The following CARMIL1 variants were observed in gnomAD, a reference collection of about 807,000 sequenced individuals.
CARMIL1 encodes F-actin-uncapping protein LRRC16A.
A neutral mutation model predicts 177.1 loss-of-function variants in CARMIL1; 90 were observed. That is an observed-to-expected ratio of 0.51 (90% confidence interval 0.43 to 0.61). The LOEUF (loss-of-function observed/expected upper bound fraction) is 0.61, where lower values mean the gene tolerates loss of function less well. Ranked by LOEUF, CARMIL1 falls within the 20% of genes least tolerant of loss-of-function variation. The pLI, the probability that CARMIL1 is intolerant of heterozygous loss-of-function variation, is 0.00. For missense variants in CARMIL1, 1,380 were observed against 1,667.0 expected (o/e 0.83, Z 3.00); for synonymous variants, 577 against 606.2 (o/e 0.95, Z 0.71).
At chr6:25,316,203 A>T (rs1461259135) in intron 2 of CARMIL1, among the ~76,000 whole-genome samples, 1 of 152,230 alleles carries the variant, frequency 6.6e-6, no homozygotes, top group Non-Finnish European at 1.5e-5. Context: ...GATTACTGTA[A>T]AACAGGTTAA....
At chr6:25,518,903 C>T (rs1159170438) in intron 22 of CARMIL1, among the ~76,000 whole-genome samples, 1 of 152,196 alleles carries the variant, frequency 6.6e-6, no homozygotes. Flanking sequence ...AAAGACATAT[C>T]GTCTCTTAGT....
chr6:25,308,715 T>G (rs1211773918), intron 2 of CARMIL1, among the ~76,000 whole-genome samples: 1 of 151,830 alleles, frequency 6.6e-6, no homozygotes, highest in African/African-American at 2.4e-5. Flanking sequence ...GGAAACATAA[T>G]ATTTTTCTTA....
chr6:25,356,927 C>T (rs1217324465), intron 2 of CARMIL1, among the ~76,000 whole-genome samples: 2 of 152,194 alleles, frequency 1.3e-5, no homozygotes, highest in East Asian at 1.9e-4. Context: ...AATCCTCTTC[C>T]AGAACCCTTA....
chr6:25,284,060 T>C (rs1175307066), intron 1 of CARMIL1, among the ~76,000 whole-genome samples: 1 of 152,058 alleles, frequency 6.6e-6, no homozygotes, highest in Non-Finnish European at 1.5e-5. Flanking sequence ...CCAAACATCA[T>C]GTCAAGACTT....
In CARMIL1 at chr6:25,545,597, A is replaced by T. The variant is rs562659574; in HGVS notation, c.2329-5313A>T. Reference sequence around the variant, plus strand: ...TAATTGTAATCTAATGCAGCTATTCAATCAGTGCACAACAAAAGGAGAATG... The same window carrying T: ...TAATTGTAATCTAATGCAGCTATTCTATCAGTGCACAACAAAAGGAGAATG... On this transcript the variant is annotated intron_variant, in intron 26 of 36. Coordinates refer to ENST00000329474, the MANE Select transcript of CARMIL1 (RefSeq NM_017640.6). Among the ~76,000 whole-genome samples the T allele has an allele frequency of 2.6e-5, 4 of 152,320 alleles. No homozygotes were observed. In the East Asian group the frequency reaches 7.7e-4, roughly 29 times the overall value.
At chr6:25,594,304 A>C in intron 31 of CARMIL1, 111 bp from the exon 32 acceptor site, 1 of 629,968 alleles carries the variant, frequency 1.6e-6, no homozygotes, top group South Asian at 2.2e-5. Context: ...TCCCTATTTT[A>C]GTGAGCCTTG....
At chr6:25,495,754 A>G (rs1803644281) in intron 16 of CARMIL1, among the ~76,000 whole-genome samples, 1 of 152,070 alleles carries the variant, frequency 6.6e-6, no homozygotes, top group South Asian at 2.1e-4. Context: ...TAGTGTAGGT[A>G]TAGTGGTGAA....
chr6:25,303,568 T>C (rs941052549), intron 2 of CARMIL1, among the ~76,000 whole-genome samples: 2 of 152,384 alleles, frequency 1.3e-5, no homozygotes, highest in Non-Finnish European at 2.9e-5. Context: ...TGTACATTTC[T>C]TGAAGCGCCA....
At chr6:25,479,286 G>T in intron 11 of CARMIL1, 1 of 496,974 alleles carries the variant, frequency 2.0e-6, no homozygotes, top group Admixed American at 2.1e-5. Flanking sequence ...CTTTGTGTGT[G>T]GCTTCTTTTG....
intron 2 of CARMIL1, among the ~76,000 whole-genome samples, chr6:25,382,456 G>A (rs1791645431): frequency 6.6e-6 from 1 of 152,176 alleles, no homozygotes; most frequent in African/African-American, 2.4e-5. Context: ...AGAGTGAGCA[G>A]CAGCAAGATT....
At chr6:25,336,559 G>T (rs1786261447) in intron 2 of CARMIL1, among the ~76,000 whole-genome samples, 1 of 152,130 alleles carries the variant, frequency 6.6e-6, no homozygotes, top group Non-Finnish European at 1.5e-5. Flanking sequence ...AGTATTTAAG[G>T]TTGTTTTAGG....
intron 3 of CARMIL1, among the ~76,000 whole-genome samples, chr6:25,426,176 A>G (rs1420240739): frequency 6.6e-6 from 1 of 152,166 alleles, no homozygotes; most frequent in Non-Finnish European, 1.5e-5. Flanking sequence ...ATTACTTTTA[A>G]TGGCAAAAAC....
chr6:25,547,870 G>T (rs563958550), intron 26 of CARMIL1, among the ~76,000 whole-genome samples: 5 of 152,152 alleles, frequency 3.3e-5, no homozygotes, highest in African/African-American at 9.7e-5. Flanking sequence ...CAGCAGGAAA[G>T]AGTGCATGTC....
intron 4 of CARMIL1, among the ~76,000 whole-genome samples, chr6:25,429,749 T>G (rs1489357476): frequency 6.6e-6 from 1 of 151,660 alleles, no homozygotes; most frequent in African/African-American, 2.4e-5. Flanking sequence ...CTTTCTTTTT[T>G]TAAGCTTCTT....
chr6:25,471,056 A>G, intron 9 of CARMIL1, 113 bp from the exon 10 acceptor site: 1 of 598,208 alleles, frequency 1.7e-6, no homozygotes, highest in Non-Finnish European at 2.9e-6. Context: ...TTCAAGGTTT[A>G]TTGAATGAGT....
intron 2 of CARMIL1, among the ~76,000 whole-genome samples, chr6:25,387,059 G>A (rs1792240578): frequency 7.0e-6 from 1 of 142,628 alleles, no homozygotes. Context: ...GAACCTGCGA[G>A]GCCGAGATCG....
At chr6:25,530,560 C>G (rs1396638593) in intron 24 of CARMIL1, among the ~76,000 whole-genome samples, 1 of 152,070 alleles carries the variant, frequency 6.6e-6, no homozygotes, top group Non-Finnish European at 1.5e-5. Flanking sequence ...GCATCAATCC[C>G]AATTAGTAGA....
chr6:25,419,032 T>C (rs1795612187), intron 2 of CARMIL1, among the ~76,000 whole-genome samples: 1 of 152,216 alleles, frequency 6.6e-6, no homozygotes, highest in South Asian at 2.1e-4. Context: ...GGGAAAGGTA[T>C]AAAGCACGCC....
At chr6:25,539,113 T>C (rs1476346628) in intron 25 of CARMIL1, among the ~76,000 whole-genome samples, 1 of 151,970 alleles carries the variant, frequency 6.6e-6, no homozygotes, top group East Asian at 1.9e-4. Flanking sequence ...ATAAGTAAAA[T>C]GCTTGGCTGA....
Sources: allele counts gnomAD v4.1 joint callset (sites outside exome capture counted in the v4.1 genomes callset), GRCh38; gene constraint gnomAD v4.1.1; transcripts MANE v1.5; gene names NCBI Gene and HGNC (gene_info 2026-07-23, HGNC 2026-07-21).